The following CTNND2 variants were observed in gnomAD, a reference collection of about 807,000 sequenced individuals.
The protein encoded by CTNND2 is catenin delta-2.
In CTNND2, 22 loss-of-function variants were observed where a neutral mutation model predicts 144.4. The observed-to-expected ratio is 0.15, with a 90% CI of 0.11 to 0.22. The LOEUF (loss-of-function observed/expected upper bound fraction) is 0.22, where lower values mean the gene tolerates loss of function less well. Among genes scored for constraint, CTNND2 ranks in the 10% least tolerant of loss-of-function variants. The pLI is 1.00. For synonymous variants in CTNND2, 751 were observed against 695.6 expected (o/e 1.08, Z -1.25); for missense variants, 1,353 against 1,618.8 (o/e 0.84, Z 2.82).
chr5:11,289,232 G>A (rs774563849), intron 9 of CTNND2, among the ~76,000 whole-genome samples: 9 of 152,216 alleles, frequency 5.9e-5, no homozygotes, highest in Non-Finnish European at 7.3e-5. Flanking sequence ...CTAACACAGT[G>A]TGTGACACAA....
intron 3 of CTNND2, among the ~76,000 whole-genome samples, chr5:11,453,710 C>T (rs1215304924): frequency 6.6e-6 from 1 of 152,096 alleles, no homozygotes; most frequent in African/African-American, 2.4e-5. Flanking sequence ...ATTCAAAACA[C>T]ATTCAGAATT....
intron 8 of CTNND2, among the ~76,000 whole-genome samples, chr5:11,350,381 C>G (rs1755203512): frequency 6.6e-6 from 1 of 151,616 alleles, no homozygotes; most frequent in Admixed American, 6.6e-5. Flanking sequence ...ATATAATTAT[C>G]TTAATTTTAT....
chr5:11,584,744 G>C (rs1273668723), intron 2 of CTNND2, among the ~76,000 whole-genome samples: 1 of 152,012 alleles, frequency 6.6e-6, no homozygotes, highest in Non-Finnish European at 1.5e-5. Context: ...TATTAGATAT[G>C]GCCAAATAAT....
chr5:11,290,918 G>A (rs763085081), intron 9 of CTNND2, among the ~76,000 whole-genome samples: 38 of 152,310 alleles, frequency 2.5e-4, no homozygotes, highest in Non-Finnish European at 4.1e-4. Flanking sequence ...GCTTTGTGAA[G>A]TTTAATTAAA....
At chr5:11,260,486 T>C (rs1744750755) in intron 9 of CTNND2, among the ~76,000 whole-genome samples, 1 of 152,202 alleles carries the variant, frequency 6.6e-6, no homozygotes, top group Non-Finnish European at 1.5e-5. Flanking sequence ...AAAAATTTCA[T>C]GTAATATATG....
intron 3 of CTNND2, among the ~76,000 whole-genome samples, chr5:11,470,998 GA>G (rs1213032767): frequency 3.0e-4 from 13 of 43,708 alleles, no homozygotes; most frequent in Non-Finnish European, 3.2e-4. Context: ...TTTTTTTTTA[GA>G]TGGAGTCTCT....
chr5:11,784,487 G>A (rs1790725456), intron 1 of CTNND2, among the ~76,000 whole-genome samples: 1 of 152,186 alleles, frequency 6.6e-6, no homozygotes, highest in African/African-American at 2.4e-5. Flanking sequence ...CTCATCCACA[G>A]ATGTGGAAAA....
chr5:11,038,018 A>G (rs1389112015), intron 16 of CTNND2, among the ~76,000 whole-genome samples: 1 of 152,164 alleles, frequency 6.6e-6, no homozygotes, highest in East Asian at 1.9e-4. Flanking sequence ...CCAGAATGTA[A>G]TTGAGTAAAT....
intron 2 of CTNND2, among the ~76,000 whole-genome samples, chr5:11,679,493 G>T (rs1167245618): frequency 6.6e-6 from 1 of 152,164 alleles, no homozygotes; most frequent in Non-Finnish European, 1.5e-5. Context: ...CTGAAACAAA[G>T]TATGTAATAT....
intron 16 of CTNND2, among the ~76,000 whole-genome samples, chr5:11,060,016 G>A (rs1201088182): frequency 6.6e-6 from 1 of 152,126 alleles, no homozygotes; most frequent in Non-Finnish European, 1.5e-5. Context: ...ACTACAAGGT[G>A]TCTAATGGTC....
intron 2 of CTNND2, among the ~76,000 whole-genome samples, chr5:11,629,960 A>G (rs1324250356): frequency 6.6e-6 from 1 of 152,178 alleles, no homozygotes; most frequent in African/African-American, 2.4e-5. Context: ...TTTATAGGGG[A>G]AAAAAGTAAA....
At chr5:11,442,895 T>C (rs1368687695) in intron 3 of CTNND2, among the ~76,000 whole-genome samples, 4 of 147,182 alleles carry the variant, frequency 2.7e-5, no homozygotes, top group South Asian at 2.1e-4. Context: ...ATATTTATTA[T>C]ATATTAGTGA....
intron 3 of CTNND2, among the ~76,000 whole-genome samples, chr5:11,456,711 C>T (rs534354945): frequency 5.1e-4 from 77 of 152,102 alleles, no homozygotes; most frequent in African/African-American, 1.2e-3. Context: ...ATTAAAAAGA[C>T]GATTTAAAAA....
At chr5:11,255,350 G>C (rs909600322) in intron 9 of CTNND2, among the ~76,000 whole-genome samples, 2 of 152,198 alleles carry the variant, frequency 1.3e-5, no homozygotes, top group Non-Finnish European at 2.9e-5. Flanking sequence ...CATTTCTGGA[G>C]AGCAGACTTT....
intron 3 of CTNND2, among the ~76,000 whole-genome samples, chr5:11,510,417 C>T (rs1481278038): frequency 6.6e-6 from 1 of 152,194 alleles, no homozygotes; most frequent in East Asian, 1.9e-4. Context: ...CTTATTTCTA[C>T]ACTCATTAAA....
At chr5:11,894,396 G>A (rs768355845) in intron 1 of CTNND2, among the ~76,000 whole-genome samples, 7 of 152,154 alleles carry the variant, frequency 4.6e-5, no homozygotes, top group South Asian at 2.1e-4. Context: ...TTACTTCTAC[G>A]GATGGATAAA....
intron 2 of CTNND2, among the ~76,000 whole-genome samples, chr5:11,648,423 C>A (rs538629296): frequency 6.6e-6 from 1 of 152,200 alleles, no homozygotes; most frequent in South Asian, 2.1e-4. Context: ...CTAAGAGATG[C>A]CAAGTAAGCT....
chr5:11,285,702 T>C (rs80253606), intron 9 of CTNND2, among the ~76,000 whole-genome samples: 2,154 of 152,254 alleles, frequency 0.014, 23 homozygotes, highest in Middle Eastern at 0.041. Flanking sequence ...TACCGCTCCT[T>C]CCTTTTGCTC....
At chr5:11,441,839 G>C (rs1764293175) in intron 3 of CTNND2, among the ~76,000 whole-genome samples, 1 of 152,060 alleles carries the variant, frequency 6.6e-6, no homozygotes, top group Non-Finnish European at 1.5e-5. Flanking sequence ...CTATTAACAA[G>C]ATATTTTCGC....
Sources: allele counts gnomAD v4.1 joint callset (sites outside exome capture counted in the v4.1 genomes callset), GRCh38; gene constraint gnomAD v4.1.1; transcripts MANE v1.5; gene names NCBI Gene and HGNC (gene_info 2026-07-23, HGNC 2026-07-21).